SCML2: variants seen among roughly 807,000 people sequenced by gnomAD.
SCML2 encodes sex comb on midleg-like protein 2.
A neutral mutation model predicts 48.4 loss-of-function variants in SCML2; 6 were observed. The ratio of observed to expected loss-of-function variants is 0.12; its 90% CI spans 0.07 to 0.24. SCML2 has a LOEUF of 0.24. SCML2 is among the 10% of genes least tolerant of loss of function. The pLI, the probability that SCML2 is intolerant of heterozygous loss-of-function variation, is 1.00. For synonymous variants in SCML2, 181 were observed against 189.5 expected (o/e 0.95, Z 0.37); for missense variants, 377 against 528.2 (o/e 0.71, Z 2.81).
rs184429725 is a variant in SCML2, at chrX:18,334,971, G to A, written c.-24-876C>T. Among the ~76,000 whole-genome samples, 263 of 111,391 alleles carry A rather than the reference G, an allele frequency of 2.4e-3. 3 individuals are homozygous for A. The highest frequency in any genetic ancestry group is 8.2e-3 in the African/African-American group (250 of 30,644). On this transcript the variant is annotated intron_variant, in intron 1 of 14. Coordinates refer to ENST00000251900, the MANE Select transcript of SCML2 (RefSeq NM_006089.3). Reference sequence around the variant, plus strand: ...TCATGCCTGTAATCCTAGCACTTTGGGAGGCCAAGGCGGGTGGATTTCTTG... The same window carrying A: ...TCATGCCTGTAATCCTAGCACTTTGAGAGGCCAAGGCGGGTGGATTTCTTG...
chrX:18,330,082 AAAG>A (rs755391381), intron 3 of SCML2, among the ~76,000 whole-genome samples: 31 of 111,720 alleles, frequency 2.8e-4, no homozygotes, highest in Non-Finnish European at 5.3e-4. Flanking sequence ...TGTCTCAAAG[AAAG>A]AAGAAGAAAA....
In SCML2 at chrX:18,354,626, T is replaced by C; in HGVS notation, c.-59A>G. 1 of 285,333 alleles carries C rather than the reference T, an allele frequency of 3.5e-6. No homozygotes were observed. The highest frequency in any genetic ancestry group is 5.0e-5 in the East Asian group (1 of 20,173). The allele number at this position is 285,333 out of a possible 1,213,427, so 23.5% of individuals were successfully genotyped here. A position where few individuals can be genotyped will look rare whatever the true frequency, so the allele number is the denominator to read the frequency against. On this transcript the variant is annotated 5_prime_UTR_variant, in exon 1 of 15. Coordinates refer to ENST00000251900, the MANE Select transcript of SCML2 (RefSeq NM_006089.3). ...CGTCGGTGAAAACAACGAAATTCTG[T>C]CCCACCGATCGCGCGAGCCGGCACC...
intron 7 of SCML2, among the ~76,000 whole-genome samples, chrX:18,282,546 G>C (rs1232150594): frequency 9.0e-6 from 1 of 111,153 alleles, no homozygotes; most frequent in Non-Finnish European, 1.9e-5. Flanking sequence ...GCTGAGGCGA[G>C]AGGATCACTT....
chrX:18,344,134 G>C (rs1387194955), intron 1 of SCML2, among the ~76,000 whole-genome samples: 2 of 108,952 alleles, frequency 1.8e-5, no homozygotes, highest in Non-Finnish European at 3.8e-5. Context: ...AGAAGTTCAA[G>C]ACCAGCCCGG....
chrX:18,297,600 C>T (rs758786754), intron 7 of SCML2, among the ~76,000 whole-genome samples: 1 of 111,713 alleles, frequency 9.0e-6, no homozygotes, highest in African/African-American at 3.3e-5. Flanking sequence ...TTGCAAGATA[C>T]AAAATCAACA....
intron 7 of SCML2, among the ~76,000 whole-genome samples, chrX:18,300,575 GAGGTC>G (rs957017858): frequency 9.1e-6 from 1 of 110,309 alleles, no homozygotes; most frequent in African/African-American, 3.3e-5. Flanking sequence ...TGGATCACCT[GAGGTC>G]AGGAGTTCAA....
At chrX:18,322,930 G>A (rs1015644781) in intron 5 of SCML2, among the ~76,000 whole-genome samples, 2 of 111,127 alleles carry the variant, frequency 1.8e-5, no homozygotes, top group Non-Finnish European at 3.8e-5. Flanking sequence ...TAGTTATAAC[G>A]AACAAATAGA....
intron 6 of SCML2, among the ~76,000 whole-genome samples, chrX:18,319,371 T>G (rs1246436868): frequency 1.9e-5 from 2 of 105,396 alleles, no homozygotes; most frequent in African/African-American, 7.3e-5. Flanking sequence ...CAAAACTCAG[T>G]CTCAAAAAAA....
intron 11 of SCML2, among the ~76,000 whole-genome samples, chrX:18,255,084 T>C (rs1345544043): frequency 1.8e-5 from 2 of 111,435 alleles, no homozygotes; most frequent in Non-Finnish European, 3.8e-5. Context: ...CCTACCATTT[T>C]GGATGACCTC....
intron 1 of SCML2, among the ~76,000 whole-genome samples, chrX:18,343,412 T>G (rs754267369): frequency 9.1e-6 from 1 of 109,646 alleles, no homozygotes; most frequent in African/African-American, 3.3e-5. Flanking sequence ...AGGCCATTGG[T>G]CAGATGTTAT....
At chrX:18,353,786 C>A (rs1471559661) in intron 1 of SCML2, among the ~76,000 whole-genome samples, 1 of 112,980 alleles carries the variant, frequency 8.9e-6, no homozygotes, top group Non-Finnish European at 1.9e-5. Flanking sequence ...GGCGCAAAAT[C>A]GAGCAAATTC....
At chrX:18,304,931 T>A in intron 7 of SCML2, 41 bp downstream of exon 7, 1 of 1,177,051 alleles carries the variant, frequency 8.5e-7, no homozygotes, top group South Asian at 2.0e-5. Context: ...TACATCTAAC[T>A]TCAATAAAGT....
intron 1 of SCML2, among the ~76,000 whole-genome samples, chrX:18,336,178 C>T (rs1929805012): frequency 8.9e-6 from 1 of 111,742 alleles, no homozygotes; most frequent in South Asian, 3.7e-4. Context: ...GGCATGGTGG[C>T]TCATGCCTGC....
At chrX:18,298,815 G>A (rs1370333643) in intron 7 of SCML2, among the ~76,000 whole-genome samples, 1 of 106,964 alleles carries the variant, frequency 9.3e-6, no homozygotes, top group Non-Finnish European at 1.9e-5. Flanking sequence ...GTGAGACTGT[G>A]TCTCACAAAA....
At chrX:18,315,708 C>T (rs1929099820) in intron 6 of SCML2, among the ~76,000 whole-genome samples, 1 of 111,538 alleles carries the variant, frequency 9.0e-6, no homozygotes, top group South Asian at 3.8e-4. Flanking sequence ...ACCGTTCAAC[C>T]CCAGATACCA....
At chrX:18,268,634 G>A (rs1168127341) in intron 7 of SCML2, among the ~76,000 whole-genome samples, 1 of 102,661 alleles carries the variant, frequency 9.7e-6, no homozygotes, top group African/African-American at 3.6e-5. Context: ...GGGGGAGGGA[G>A]GAGGGATAGC....
At chrX:18,331,863 G>C (rs985002919) in intron 2 of SCML2, among the ~76,000 whole-genome samples, 27 of 111,723 alleles carry the variant, frequency 2.4e-4, no homozygotes, top group African/African-American at 8.4e-4. Context: ...CACAGAGTTC[G>C]GTTCCTCTGT....
intron 7 of SCML2, among the ~76,000 whole-genome samples, chrX:18,270,152 C>A (rs1179954805): frequency 9.3e-6 from 1 of 108,011 alleles, no homozygotes; most frequent in East Asian, 2.9e-4. Context: ...TTTAGCCTCC[C>A]AAGTAGCTAG....
chrX:18,282,916 G>T (rs764175825), intron 7 of SCML2, among the ~76,000 whole-genome samples: 4 of 110,833 alleles, frequency 3.6e-5, no homozygotes, highest in African/African-American at 1.3e-4. Context: ...AAAACCTGAG[G>T]GGGAAGGACT....
Sources: gnomAD v4.1 joint callset for allele counts (sites outside exome capture counted in the v4.1 genomes callset) on GRCh38, gnomAD v4.1.1 for gene constraint, MANE v1.5 for transcripts, NCBI Gene and HGNC (gene_info 2026-07-23, HGNC 2026-07-21) for gene names.